TENT2: variants seen among roughly 807,000 people sequenced by gnomAD.
TENT2 encodes poly(A) RNA polymerase GLD2.
In TENT2, 44 loss-of-function variants were observed where a neutral mutation model predicts 72.2. The ratio of observed to expected loss-of-function variants is 0.61; its 90% confidence interval spans 0.48 to 0.78. The LOEUF is 0.78. Ranked by LOEUF, TENT2 falls within the 30% of genes least tolerant of loss-of-function variation. The pLI, the probability that TENT2 is intolerant of heterozygous loss-of-function variation, is 0.00. For missense variants in TENT2, 541 were observed against 569.6 expected (o/e 0.95, Z 0.51); for synonymous variants, 212 against 192.5 (o/e 1.10, Z -0.84).
chr5:79,633,016 C>G (rs1205174235), intron 4 of TENT2, among the ~76,000 whole-genome samples: 1 of 152,184 alleles, frequency 6.6e-6, no homozygotes, highest in African/African-American at 2.4e-5. Flanking sequence ...AATACTCCAA[C>G]TTTGTCCTTA....
At chr5:79,638,887 T>G (rs1017755123) in intron 4 of TENT2, among the ~76,000 whole-genome samples, 34 of 152,220 alleles carry the variant, frequency 2.2e-4, no homozygotes, top group African/African-American at 7.5e-4. Context: ...TATGCTTCTT[T>G]CATTGCCAAA....
chr5:79,666,536 T>C (rs1808188716), intron 11 of TENT2, among the ~76,000 whole-genome samples: 1 of 151,846 alleles, frequency 6.6e-6, no homozygotes, highest in African/African-American at 2.4e-5. Flanking sequence ...TTTTTAGAGA[T>C]AGGCATCACC....
At chr5:79,648,945 G>T in intron 9 of TENT2, 117 bp from the exon 10 acceptor site, 1 of 1,149,630 alleles carries the variant, frequency 8.7e-7, no homozygotes, top group East Asian at 2.6e-5. Flanking sequence ...AACAGACACA[G>T]TGTTTAATAT....
chr5:79,670,027 C>T (rs1369143024), intron 12 of TENT2, among the ~76,000 whole-genome samples: 1 of 151,596 alleles, frequency 6.6e-6, no homozygotes. Context: ...CGAGACCAGC[C>T]AGACCAACAC....
intron 1 of TENT2, among the ~76,000 whole-genome samples, chr5:79,616,164 G>A (rs905227555): frequency 2.0e-5 from 3 of 148,956 alleles, no homozygotes; most frequent in Non-Finnish European, 3.0e-5. Flanking sequence ...TGGGATTATA[G>A]GCATGAGCCA....
intron 10 of TENT2, among the ~76,000 whole-genome samples, chr5:79,652,009 A>G (rs1794510660): frequency 6.6e-6 from 1 of 152,144 alleles, no homozygotes; most frequent in Non-Finnish European, 1.5e-5. Flanking sequence ...TAATAATGAC[A>G]AAATGGAATA....
intron 10 of TENT2, among the ~76,000 whole-genome samples, chr5:79,654,128 T>C (rs62365191): frequency 0.2 from 30,854 of 152,032 alleles, 4,617 homozygotes; most frequent in African/African-American, 0.42. Context: ...TTAATTATAA[T>C]TTAAGAGTTA....
intron 9 of TENT2, 73 bp from the exon 10 acceptor site, chr5:79,648,989 G>A (rs1485827957): frequency 2.0e-6 from 3 of 1,483,652 alleles, no homozygotes; most frequent in African/African-American, 2.8e-5. Context: ...TTGGTATGGA[G>A]CTGGGAAATG....
intron 14 of TENT2, among the ~76,000 whole-genome samples, chr5:79,683,313 TCACA>T (rs111701863): frequency 0.038 from 5,577 of 145,634 alleles, 192 homozygotes; most frequent in African/African-American, 0.091. Context: ...ACGCACATGC[TCACA>T]CACACACACA....
intron 13 of TENT2, among the ~76,000 whole-genome samples, chr5:79,681,150 A>AAT (rs1821412764): frequency 2.2e-5 from 1 of 44,738 alleles, no homozygotes; most frequent in Non-Finnish European, 4.2e-5. Flanking sequence ...CTTTTCTTTG[A>AAT]TTTTTTTTTT....
At chr5:79,655,328 T>C (rs2150279208) in intron 10 of TENT2, among the ~76,000 whole-genome samples, 1 of 152,242 alleles carries the variant, frequency 6.6e-6, no homozygotes, top group African/African-American at 2.4e-5. Flanking sequence ...CTAAAAGCTT[T>C]TTTGTCCATT....
rs543186076 is a variant in TENT2, at chr5:79,638,300, A to G, written c.466-2551A>G. On this transcript the variant is annotated intron_variant, in intron 4 of 14. Transcript: ENST00000453514. ...GGCGTCTACCTACTAGATGCCAGGG[A>G]CCTTTCACCTGCCCTGCCTGGTCCT... 3.8e-4 allele frequency among the ~76,000 whole-genome samples: 58 copies of G among 151,952 alleles called. No individual in the cohort carries two copies. In the East Asian group the frequency reaches 0.011, roughly 28 times the overall value.
rs1269933938 is a variant in TENT2 at position 79,621,770 on chromosome 5, A to C, written c.228-1482A>C. Among the ~76,000 whole-genome samples, 4 of 127,358 alleles carry C rather than the reference A, an allele frequency of 3.1e-5. No homozygotes were observed. In the East Asian group the frequency reaches 6.7e-4, roughly 21 times the overall value. The allele number at this position is 127,358 out of a possible 152,430, so 83.6% of individuals were successfully genotyped here. ...GAGACTCTATCTCAAAAAAAAAAAA[A>C]AACAAAAAAAACAAAACTCCATTAA... is the stretch of plus-strand genomic sequence containing the variant. On this transcript the variant is annotated intron_variant, in intron 3 of 14. Coordinates refer to ENST00000453514, the MANE Select transcript of TENT2 (RefSeq NM_001114394.3).
chr5:79,675,037 CAGAG>C (rs557027204), intron 12 of TENT2, among the ~76,000 whole-genome samples: 91 of 152,068 alleles, frequency 6.0e-4, no homozygotes, highest in African/African-American at 2.1e-3. Flanking sequence ...CTCGAGAAGA[CAGAG>C]GGAGAATAAT....
At chr5:79,673,985 G>A (rs1815092112) in intron 12 of TENT2, among the ~76,000 whole-genome samples, 1 of 152,112 alleles carries the variant, frequency 6.6e-6, no homozygotes, top group South Asian at 2.1e-4. Context: ...AGGGATAAAG[G>A]AATATGTATT....
intron 10 of TENT2, among the ~76,000 whole-genome samples, chr5:79,650,677 G>A (rs1793181238): frequency 6.6e-6 from 1 of 152,014 alleles, no homozygotes; most frequent in African/African-American, 2.4e-5. Context: ...TGAGGATACT[G>A]GGAACTGGGA....
At chr5:79,620,544 A>G (rs1763924850) in intron 3 of TENT2, 1 of 152,910 alleles carries the variant, frequency 6.5e-6, no homozygotes, top group Admixed American at 6.5e-5. Flanking sequence ...GTTTCTTCTG[A>G]GGCTTCTTTT....
intron 4 of TENT2, among the ~76,000 whole-genome samples, chr5:79,634,809 A>C (rs1778787022): frequency 2.0e-5 from 3 of 151,874 alleles, no homozygotes; most frequent in Non-Finnish European, 4.4e-5. Context: ...AGTGATTTAG[A>C]CAAGTTTAAG....
chr5:79,665,419 G>A (rs1021095789), intron 11 of TENT2, among the ~76,000 whole-genome samples: 3 of 152,238 alleles, frequency 2.0e-5, no homozygotes, highest in East Asian at 1.9e-4. Flanking sequence ...TGAAGGTAAC[G>A]TAAGATATCA....
Sources: allele counts gnomAD v4.1 joint callset (sites outside exome capture counted in the v4.1 genomes callset), GRCh38; gene constraint gnomAD v4.1.1; transcripts MANE v1.5; gene names NCBI Gene and HGNC (gene_info 2026-07-23, HGNC 2026-07-21).